Variants in CCDC170 observed in about 807,000 individuals in gnomAD.
CCDC170 encodes coiled-coil domain containing 170.
Under a neutral mutation model 72.6 loss-of-function variants are expected in CCDC170, and 69 were observed. The observed-to-expected ratio is 0.95, with a 90% CI of 0.78 to 1.16. CCDC170 has a LOEUF of 1.16. Ranked by LOEUF, CCDC170 falls within the 50% of genes most tolerant of loss-of-function variation. The pLI, the probability that CCDC170 is intolerant of heterozygous loss-of-function variation, is 0.00. For synonymous variants in CCDC170, 300 were observed against 303.9 expected (o/e 0.99, Z 0.13); for missense variants, 852 against 832.5 (o/e 1.02, Z -0.29).
intron 6 of CCDC170, among the ~76,000 whole-genome samples, chr6:151,578,199 C>T (rs1776330510): frequency 6.6e-6 from 1 of 152,212 alleles, no homozygotes; most frequent in South Asian, 2.1e-4. Context: ...TCAGCTTTTC[C>T]AGCCTCTCCA....
At chr6:151,499,185 A>C (rs973634481) in intron 1 of CCDC170, among the ~76,000 whole-genome samples, 13 of 135,978 alleles carry the variant, frequency 9.6e-5, no homozygotes, top group Non-Finnish European at 1.1e-4. Context: ...GTATTTGACT[A>C]TTTTAGGCAC....
At chr6:151,513,033 C>G (rs1294160660) in intron 1 of CCDC170, among the ~76,000 whole-genome samples, 10 of 152,056 alleles carry the variant, frequency 6.6e-5, no homozygotes, top group Admixed American at 5.9e-4. Context: ...TGTTTCTTTT[C>G]CAGAGAAACA....
rs777004939 is a variant in CCDC170, at chr6:151,548,301, C to A, written c.589-3C>A. The A allele has an allele frequency of 6.5e-6, 10 of 1,543,732 alleles. No individual in the cohort carries two copies. In the East Asian group the frequency reaches 2.3e-4, roughly 35 times the overall value. On this transcript the variant is annotated splice_polypyrimidine_tract_variant and splice_region_variant and intron_variant, in intron 4 of 10. Coordinates refer to ENST00000239374, the MANE Select transcript of CCDC170 (RefSeq NM_025059.4). Reference sequence around the variant, plus strand: ...AGGACAGCTGTAATTGCTTTCTCTTCAGCTTAGAGACCTGCGCAAAGAAAA... The same window carrying A: ...AGGACAGCTGTAATTGCTTTCTCTTAAGCTTAGAGACCTGCGCAAAGAAAA...
intron 1 of CCDC170, among the ~76,000 whole-genome samples, chr6:151,510,265 C>CA (rs1362320590): frequency 1.1e-4 from 16 of 152,154 alleles, no homozygotes; most frequent in African/African-American, 3.4e-4. Context: ...TACTGATACT[C>CA]AGTCACTGGG....
At position 151,585,426 on chromosome 6, in the gene CCDC170, C is replaced by T. The variant is rs1270305581; in HGVS notation, c.1093-463C>T. On this transcript the variant is annotated intron_variant, in intron 6 of 10. Transcript: ENST00000239374. ...GAAAAAAGTTTGAAAAAGCATATAT[C>T]TGTACATGAATTCCCTGTAATACCT... Among the ~76,000 whole-genome samples the T allele has an allele frequency of 6.6e-5, 10 of 152,332 alleles. No individual in the cohort carries two copies. In the East Asian group the frequency reaches 1.4e-3, roughly 21 times the overall value.
chr6:151,511,005 G>A (rs1256552061), intron 1 of CCDC170, among the ~76,000 whole-genome samples: 1 of 152,084 alleles, frequency 6.6e-6, no homozygotes, highest in African/African-American at 2.4e-5. Flanking sequence ...CAAAGTGCTG[G>A]GATTTCAGGT....
chr6:151,600,456 G>A (rs957914190), intron 9 of CCDC170, among the ~76,000 whole-genome samples: 3 of 152,038 alleles, frequency 2.0e-5, no homozygotes, highest in African/African-American at 7.2e-5. Flanking sequence ...ACCTCCCCCT[G>A]TGTGTCTCTT....
chr6:151,553,510 G>A (rs1469171255), intron 5 of CCDC170, among the ~76,000 whole-genome samples: 1 of 152,098 alleles, frequency 6.6e-6, no homozygotes, highest in Non-Finnish European at 1.5e-5. Context: ...AAAAAGACTT[G>A]ACTATTAGGA....
chr6:151,598,888 G>A (rs1776663399), intron 9 of CCDC170, among the ~76,000 whole-genome samples: 1 of 152,194 alleles, frequency 6.6e-6, no homozygotes, highest in Admixed American at 6.5e-5. Context: ...TGCACCAGCT[G>A]CTCCTGATTG....
chr6:151,494,266 G>A, intron 1 of CCDC170, 81 bp downstream of exon 1: 1 of 1,366,828 alleles, frequency 7.3e-7, no homozygotes, highest in Non-Finnish European at 9.6e-7. Context: ...CCCCTGATTT[G>A]CACCCTTTTC....
chr6:151,510,564 G>A (rs975066128), intron 1 of CCDC170, among the ~76,000 whole-genome samples: 9 of 152,000 alleles, frequency 5.9e-5, no homozygotes, highest in Middle Eastern at 3.2e-3. Flanking sequence ...ATTAAGATTC[G>A]ATATTGCAAA....
chr6:151,572,018 C>A (rs866416610), intron 5 of CCDC170, among the ~76,000 whole-genome samples: 1 of 152,046 alleles, frequency 6.6e-6, no homozygotes, highest in African/African-American at 2.4e-5. Context: ...CCATGCATGG[C>A]AAATTATTTT....
intron 5 of CCDC170, among the ~76,000 whole-genome samples, chr6:151,549,175 A>C (rs1782834682): frequency 6.6e-6 from 1 of 152,022 alleles, no homozygotes; most frequent in Non-Finnish European, 1.5e-5. Context: ...AGAGTGGTAG[A>C]ATTACAGGCG....
chr6:151,527,454 A>G (rs1392583595), intron 1 of CCDC170, among the ~76,000 whole-genome samples: 1 of 152,218 alleles, frequency 6.6e-6, no homozygotes, highest in Non-Finnish European at 1.5e-5. Flanking sequence ...GAAAACCAGG[A>G]GGGCCAGGAA....
At chr6:151,604,281 A>G (rs558826850) in intron 9 of CCDC170, among the ~76,000 whole-genome samples, 3 of 152,142 alleles carry the variant, frequency 2.0e-5, no homozygotes, top group Admixed American at 2.0e-4. Flanking sequence ...CTGAGCTCCC[A>G]TCTCATACTC....
intron 5 of CCDC170, among the ~76,000 whole-genome samples, chr6:151,571,654 T>G (rs1776220688): frequency 6.6e-6 from 1 of 151,938 alleles, no homozygotes; most frequent in Admixed American, 6.6e-5. Context: ...TTGAACCCAG[T>G]AGGCGGAGGT....
At chr6:151,578,936 A>G (rs1215101773) in intron 6 of CCDC170, among the ~76,000 whole-genome samples, 2 of 152,140 alleles carry the variant, frequency 1.3e-5, no homozygotes, top group Non-Finnish European at 2.9e-5. Context: ...AAATCAATGC[A>G]TAGTTGTCCC....
chr6:151,564,072 T>C (rs1776089518), intron 5 of CCDC170, among the ~76,000 whole-genome samples: 1 of 152,216 alleles, frequency 6.6e-6, no homozygotes, highest in African/African-American at 2.4e-5. Flanking sequence ...TCATATTTCC[T>C]TGCTTTTGCA....
At position 151,514,353 on chromosome 6, in the gene CCDC170, G is replaced by GAAGA. The variant is rs1554219945; in HGVS notation, c.57+20169_57+20170insAGAA. Among the ~76,000 whole-genome samples, 949 of 101,526 alleles carry GAAGA rather than the reference G, an allele frequency of 9.3e-3. 10 individuals are homozygous for GAAGA. The highest frequency in any genetic ancestry group is 0.012 in the South Asian group (34 of 2,788). 66.6% of individuals were successfully genotyped at this position (101,526 alleles called of 152,430 possible). On this transcript the variant is annotated intron_variant, in intron 1 of 10. Transcript: ENST00000239374. The stretch of plus-strand genomic sequence containing the variant: ...GGAAGGAAGGAGGGAGGGAGGGAGG[G>GAAGA]AGGGAGGGAGGGAGGGAGGGAGGAA...
Sources: allele counts gnomAD v4.1 joint callset (sites outside exome capture counted in the v4.1 genomes callset), GRCh38; gene constraint gnomAD v4.1.1; transcripts MANE v1.5; gene names NCBI Gene and HGNC (gene_info 2026-07-23, HGNC 2026-07-21).